Variants in OR2G6 observed in about 807,000 individuals in gnomAD.
OR2G6 encodes the protein olfactory receptor 2G6.
For synonymous variants in OR2G6, 183 were observed against 155.2 expected, an observed-to-expected ratio of 1.18 and a Z score of -1.33; for missense variants, 457 against 391.3, an observed-to-expected ratio of 1.17 and a Z score of -1.42.
chr1:248,521,496 T>C, intron 1 of OR2G6, 115 bp from the exon 2 acceptor site: 1 of 611,172 alleles, frequency 1.6e-6, no homozygotes, highest in Non-Finnish European at 2.9e-6. Context: ...GAAAGTTCTA[T>C]AGGTCTTCAC....
rs1195552773 is a variant in OR2G6 at position 248,523,481 on chromosome 1, T to C, written c.*884T>C. 1.3e-5 allele frequency: 2 copies of C among 151,958 alleles called. No individual in the cohort carries two copies. Among genetic ancestry groups the C allele is most frequent in the Non-Finnish European group, 2.9e-5 (2 of 68,036 alleles). The allele number at this position is 151,958 out of a possible 1,614,324, so 9.4% of individuals were successfully genotyped here. ...TAAAATAAGTTATTGTTTTTGGCCT[T>C]AAACTCTGGAAAACAGTTACTTATG... On this transcript the variant is annotated 3_prime_UTR_variant, in exon 2 of 2. Transcript: ENST00000641804.
chr1:248,520,740 G>A (rs1016991691), intron 1 of OR2G6, among the ~76,000 whole-genome samples: 2 of 151,860 alleles, frequency 1.3e-5, no homozygotes, highest in Non-Finnish European at 2.9e-5. Flanking sequence ...CAGGCACAGT[G>A]GCTCACGCCT....
At chr1:248,521,501 C>T (rs1027211873) in intron 1 of OR2G6, 110 bp from the exon 2 acceptor site, 4 of 625,398 alleles carry the variant, frequency 6.4e-6, no homozygotes, top group Admixed American at 3.0e-5. Context: ...TTCTATAGGT[C>T]TTCACAACAT....
intron 1 of OR2G6, among the ~76,000 whole-genome samples, chr1:248,519,818 T>G (rs1242672335): frequency 6.6e-6 from 1 of 152,170 alleles, no homozygotes; most frequent in South Asian, 2.1e-4. Flanking sequence ...TATATGGCCT[T>G]TTTTTGGTTC....
intron 1 of OR2G6, among the ~76,000 whole-genome samples, chr1:248,519,904 T>G (rs1475473031): frequency 6.6e-6 from 1 of 152,216 alleles, no homozygotes; most frequent in Non-Finnish European, 1.5e-5. Context: ...GCATTGAATC[T>G]ATAACTTACT....
chr1:248,522,196 CTCA>C lies in OR2G6; in HGVS notation c.554_556del (p.Ile185del). 1 of 1,614,158 alleles carries C rather than the reference CTCA, an allele frequency of 6.2e-7. No individual in the cohort carries two copies. Among genetic ancestry groups the C allele is most frequent in the Non-Finnish European group, 8.5e-7 (1 of 1,180,022 alleles). Reference sequence around the variant, plus strand: ...TCATATTTTCTGTGAGGTGCCAGTGCTCATCAAACTGGCCTGTGTGGATACGAC... The same window carrying C: ...TCATATTTTCTGTGAGGTGCCAGTGCTCAAACTGGCCTGTGTGGATACGAC... On this transcript the variant is annotated inframe_deletion, in exon 2 of 2. Transcript: ENST00000641804.
Position 248,526,637 on chromosome 1 carries a change from G to A in OR2G6, c.*4040G>A, listed in dbSNP as rs1215881132. 1 of 152,056 alleles carries A rather than the reference G, an allele frequency of 6.6e-6. No individual in the cohort carries two copies. The highest frequency in any genetic ancestry group is 2.4e-5 in the African/African-American group (1 of 41,416). The allele number at this position is 152,056 out of a possible 1,614,324, so 9.4% of individuals were successfully genotyped here. A position where few individuals can be genotyped will look rare whatever the true frequency, so the allele number is the denominator to read the frequency against. On this transcript the variant is annotated 3_prime_UTR_variant, in exon 2 of 2. Transcript: ENST00000641804. ...AATAAACATTTGAAATATGCCCAGAGCTCTCTGTTCACCATAACCTGATCT... is the reference window on the plus strand; with the variant it reads ...AATAAACATTTGAAATATGCCCAGAACTCTCTGTTCACCATAACCTGATCT...
chr1:248,520,873 A>AT (rs1664269739), intron 1 of OR2G6, among the ~76,000 whole-genome samples: 1 of 133,394 alleles, frequency 7.5e-6, no homozygotes, highest in South Asian at 2.2e-4. Flanking sequence ...TATATATAAA[A>AT]ATATATATAT....
intron 1 of OR2G6, among the ~76,000 whole-genome samples, 154 bp from the exon 2 acceptor site, chr1:248,521,457 G>A (rs572405045): frequency 2.6e-5 from 4 of 152,082 alleles, no homozygotes; most frequent in Non-Finnish European, 5.9e-5. Flanking sequence ...GAAGGAAGTG[G>A]CATTTCCCGC....
Position 248,527,035 on chromosome 1 carries a change from CT to C in OR2G6, c.*4442del, listed in dbSNP as rs1659142354. The C allele has an allele frequency of 1.3e-5, 2 of 152,212 alleles. No individual in the cohort carries two copies. The highest frequency in any genetic ancestry group is 3.4e-3 in the Middle Eastern group (1 of 296). The allele number at this position is 152,212 out of a possible 1,614,324, so 9.4% of individuals were successfully genotyped here. A position where few individuals can be genotyped will look rare whatever the true frequency, so the allele number is the denominator to read the frequency against. ...TCAATTTTGGCTTTTGTTGCCATTGCTTTTGGTGTTTTAGACATGAAGTCCT... is the reference window on the plus strand; with the variant it reads ...TCAATTTTGGCTTTTGTTGCCATTGCTTTGGTGTTTTAGACATGAAGTCCT... On this transcript the variant is annotated 3_prime_UTR_variant, in exon 2 of 2. Transcript: ENST00000641804.
Position 248,522,045 on chromosome 1 carries a change from A to C in OR2G6, c.399A>C (p.Ile133=). 6.2e-7 allele frequency: 1 copy of C among 1,614,042 alleles called. No individual in the cohort carries two copies. Among genetic ancestry groups the C allele is most frequent in the Non-Finnish European group, 8.5e-7 (1 of 1,179,996 alleles). The change falls in exon 2 of 2, where the codon ATA becomes ATC. Residue 133 remains isoleucine, a synonymous_variant. Transcript: ENST00000641804. ...YAAVCRPLRY[I]AIMHPRFCAS... is the part of the protein sequence containing the mutation. ...CTGTCTGCCGGCCACTGCGCTACAT[A>C]GCCATTATGCACCCCAGGTTCTGTG...
In OR2G6 at chr1:248,526,985, CTTTAG is replaced by C. The variant is rs1276277564; in HGVS notation, c.*4393_*4397del. 1.7e-4 allele frequency: 26 copies of C among 152,118 alleles called. No individual in the cohort carries two copies. Among genetic ancestry groups the C allele is most frequent in the East Asian group, 7.7e-4 (4 of 5,200 alleles). The allele number at this position is 152,118 out of a possible 1,614,324, so 9.4% of individuals were successfully genotyped here. A position where few individuals can be genotyped will look rare whatever the true frequency, so the allele number is the denominator to read the frequency against. On this transcript the variant is annotated 3_prime_UTR_variant, in exon 2 of 2. Transcript: ENST00000641804. Reference sequence around the variant, plus strand: ...TAGTTTCTTTTGCTGTGCAGAAGCTCTTTAGTTTAATTAGATCCCATTTGTCAATT... The same window carrying C: ...TAGTTTCTTTTGCTGTGCAGAAGCTCTTTAATTAGATCCCATTTGTCAATT...
chr1:248,523,605 GAAAT>G lies in OR2G6; in HGVS notation c.*1010_*1013del, dbSNP rs1664337305. 1 of 152,072 alleles carries G rather than the reference GAAAT, an allele frequency of 6.6e-6. No individual in the cohort carries two copies. Among genetic ancestry groups the G allele is most frequent in the Non-Finnish European group, 1.5e-5 (1 of 68,014 alleles). The allele number at this position is 152,072 out of a possible 1,614,324, so 9.4% of individuals were successfully genotyped here. ...TGGTTTCCAAAACAGCAAAAAAAAT[GAAAT>G]ATTTAGAAGCATTTTAATAAATGTA... On this transcript the variant is annotated 3_prime_UTR_variant, in exon 2 of 2. Transcript: ENST00000641804.
chr1:248,520,733 G>A (rs1259981042), intron 1 of OR2G6, among the ~76,000 whole-genome samples: 7 of 151,880 alleles, frequency 4.6e-5, no homozygotes, highest in Non-Finnish European at 1.0e-4. Flanking sequence ...ATTAGGCCAG[G>A]CACAGTGGCT....
chr1:248,522,208 G>C lies in OR2G6; in HGVS notation c.562G>C (p.Ala188Pro), dbSNP rs760135842. The C allele has an allele frequency of 6.2e-7, 1 of 1,614,134 alleles. No individual in the cohort carries two copies. The highest frequency in any genetic ancestry group is 1.7e-5 in the Admixed American group (1 of 60,014). The change falls in exon 2 of 2, where the codon GCC becomes CCC. Residue 188 changes from alanine to proline, a missense_variant. Transcript: ENST00000641804. ...TGAGGTGCCAGTGCTCATCAAACTG[G>C]CCTGTGTGGATACGACTTTCAACGA... ...FCEVPVLIKL[A>P]CVDTTFNEAE...
rs1482331036 is a variant in OR2G6, at chr1:248,524,163, C to T, written c.*1566C>T. ...CCTGCCTCTCCTACCAAAGCCTGGA[C>T]TGAAGGCAAAATGGCTGCGCACACA... On this transcript the variant is annotated 3_prime_UTR_variant, in exon 2 of 2. Coordinates refer to ENST00000641804, the MANE Select transcript of OR2G6 (RefSeq NM_001013355.2). The T allele has an allele frequency of 6.6e-6, 1 of 152,200 alleles. No individual in the cohort carries two copies. Among genetic ancestry groups the T allele is most frequent in the African/African-American group, 2.4e-5 (1 of 41,440 alleles). The allele number at this position is 152,200 out of a possible 1,614,324, so 9.4% of individuals were successfully genotyped here. A position where few individuals can be genotyped will look rare whatever the true frequency, so the allele number is the denominator to read the frequency against.
Position 248,522,831 on chromosome 1 carries a change from C to T in OR2G6, c.*234C>T, listed in dbSNP as rs1236977160. On this transcript the variant is annotated 3_prime_UTR_variant, in exon 2 of 2. Transcript: ENST00000641804. ...TGGAATTCTAAAGAAGAGAAACACACCAAAGCAGCATGAGGGTTCATCCTC... is the reference window on the plus strand; with the variant it reads ...TGGAATTCTAAAGAAGAGAAACACATCAAAGCAGCATGAGGGTTCATCCTC... 2.0e-6 allele frequency: 1 copy of T among 494,052 alleles called. No individual in the cohort carries two copies. The allele number at this position is 494,052 out of a possible 1,614,324, so 30.6% of individuals were successfully genotyped here. A position where few individuals can be genotyped will look rare whatever the true frequency, so the allele number is the denominator to read the frequency against.
In OR2G6 at chr1:248,522,294, C is replaced by T. The variant is rs1468309608; in HGVS notation, c.648C>T (p.Val216=). ...TTGTCCCGGTGTTACTCATCTTAGTCTCCTATGGCTTTATCACTCAAGCTG... is the reference window on the plus strand; with the variant it reads ...TTGTCCCGGTGTTACTCATCTTAGTTTCCTATGGCTTTATCACTCAAGCTG... ...FLIVPVLLIL[V]SYGFITQAVL... is the part of the protein sequence containing the mutation. The change falls in exon 2 of 2, where the codon GTC becomes GTT. Residue 216 remains valine, a synonymous_variant. Transcript: ENST00000641804. 3 of 1,614,062 alleles carry T rather than the reference C, an allele frequency of 1.9e-6. No homozygotes were observed. The highest frequency in any genetic ancestry group is 2.7e-5 in the African/African-American group (2 of 74,918).
At position 248,521,794 on chromosome 1, in the gene OR2G6, T is replaced by G. The variant is rs753174673; in HGVS notation, c.148T>G (p.Cys50Gly). Residue 50 changes from cysteine (C) to glycine (G), a missense_variant, in exon 2 of 2, where the codon TGT (cysteine) becomes GGT (glycine). Coordinates refer to ENST00000641804, the MANE Select transcript of OR2G6 (RefSeq NM_001013355.2). Reference sequence around the variant, plus strand: ...GAACACTGCCCTCATACTAGTATGTTGTCTGGACTCCAGACTCCACACTCC... The same window carrying G: ...GAACACTGCCCTCATACTAGTATGTGGTCTGGACTCCAGACTCCACACTCC... ...LGNTALILVC[C>G]LDSRLHTPMY... 8 of 1,614,010 alleles carry G rather than the reference T, an allele frequency of 5.0e-6. No individual in the cohort carries two copies. The Admixed American group carries it at 1.3e-4, about 27-fold the overall frequency.
Sources: gnomAD v4.1 joint callset for allele counts (sites outside exome capture counted in the v4.1 genomes callset) on GRCh38, gnomAD v4.1.1 for gene constraint, MANE v1.5 for transcripts, NCBI Gene and HGNC (gene_info 2026-07-23, HGNC 2026-07-21) for gene names.